PPARD: variants seen among roughly 807,000 people sequenced by gnomAD.
The protein encoded by PPARD is peroxisome proliferator-activated receptor delta.
A neutral mutation model predicts 39.5 loss-of-function variants in PPARD; 6 were observed. That is an observed-to-expected ratio of 0.15 (90% CI 0.08 to 0.30). The LOEUF (loss-of-function observed/expected upper bound fraction) is 0.30, where lower values mean the gene tolerates loss of function less well. Among genes scored for constraint, PPARD ranks in the 10% least tolerant of loss-of-function variants. The pLI is 1.00. For missense variants in PPARD, 397 were observed against 596.8 expected (o/e 0.67, Z 3.49); for synonymous variants, 210 against 231.3 (o/e 0.91, Z 0.83).
chr6:35,353,591 A>G (rs1362634604), intron 2 of PPARD, among the ~76,000 whole-genome samples: 2 of 152,246 alleles, frequency 1.3e-5, no homozygotes, highest in South Asian at 4.1e-4. Flanking sequence ...ATTTAACACC[A>G]CTAACCATGT....
chr6:35,417,457 T>A (rs920786088), intron 3 of PPARD, among the ~76,000 whole-genome samples: 14 of 151,750 alleles, frequency 9.2e-5, no homozygotes, highest in African/African-American at 2.9e-4. Flanking sequence ...AACTATTTTT[T>A]TTTTTTTACT....
intron 5 of PPARD, 64 bp from the exon 6 acceptor site, chr6:35,423,882 T>A: frequency 1.3e-6 from 2 of 1,534,268 alleles, no homozygotes; most frequent in Non-Finnish European, 1.8e-6. Flanking sequence ...TGTAAAGGGA[T>A]GGGGATGTCA....
At chr6:35,397,334 C>A (rs1330997229) in intron 2 of PPARD, among the ~76,000 whole-genome samples, 1 of 152,096 alleles carries the variant, frequency 6.6e-6, no homozygotes, top group Admixed American at 6.5e-5. Flanking sequence ...AATGAAGCCC[C>A]CCCTCCCGCA....
Position 35,425,457 on chromosome 6 carries a change from A to G in PPARD, c.1079-375A>G. On this transcript the variant is annotated intron_variant, in intron 7 of 7. Transcript: ENST00000360694. The surrounding 1 kb of genome is among the most constrained non-coding windows in gnomAD (Gnocchi z 4.5). The stretch of plus-strand genomic sequence containing the variant: ...CTGTTCTTTTCATCGATGATGACTC[A>G]CTTGATCCTCACAACAACCCTGTGC... The G allele has an allele frequency of 1.9e-6, 2 of 1,067,412 alleles. No homozygotes were observed. Among genetic ancestry groups the G allele is most frequent in the South Asian group, 5.7e-5 (2 of 34,900 alleles). The allele number at this position is 1,067,412 out of a possible 1,614,324, so 66.1% of individuals were successfully genotyped here.
intron 2 of PPARD, among the ~76,000 whole-genome samples, chr6:35,381,524 A>G (rs1763156261): frequency 6.6e-6 from 1 of 152,152 alleles, no homozygotes; most frequent in Admixed American, 6.5e-5. Flanking sequence ...TCCAACCCCA[A>G]GGTTGTATCA....
At chr6:35,402,887 TCCC>T (rs1562209618) in intron 2 of PPARD, among the ~76,000 whole-genome samples, 7 of 152,290 alleles carry the variant, frequency 4.6e-5, no homozygotes, top group Non-Finnish European at 1.0e-4. Flanking sequence ...TCCCATGACA[TCCC>T]TCACTTCTGA....
chr6:35,366,644 G>C lies in PPARD; in HGVS notation c.-102+19494G>C, dbSNP rs569039130. Among the ~76,000 whole-genome samples, 1 of 152,016 alleles carries C rather than the reference G, an allele frequency of 6.6e-6. No individual in the cohort carries two copies. Among genetic ancestry groups the C allele is most frequent in the Non-Finnish European group, 1.5e-5 (1 of 67,992 alleles). On this transcript the variant is annotated intron_variant, in intron 2 of 7. Coordinates refer to ENST00000360694, the MANE Select transcript of PPARD (RefSeq NM_006238.5). The surrounding 1 kb of genome is among the most constrained non-coding windows in gnomAD (Gnocchi z 4.6). ...GGCTCACTGCAACCTCTGCCTCCCG[G>C]GTTCAAGCAATTCTAGTGCCTCAGC...
chr6:35,359,567 T>C (rs1761814425), intron 2 of PPARD, among the ~76,000 whole-genome samples: 1 of 152,038 alleles, frequency 6.6e-6, no homozygotes, highest in African/African-American at 2.4e-5. Context: ...CATGAGGAAG[T>C]CCAACCCCCC....
intron 2 of PPARD, among the ~76,000 whole-genome samples, chr6:35,379,185 C>G (rs1762991667): frequency 6.6e-6 from 1 of 151,534 alleles, no homozygotes; most frequent in East Asian, 1.9e-4. Flanking sequence ...CTCACTGCAA[C>G]CTACGCCTCC....
chr6:35,353,301 G>C (rs1761372133), intron 2 of PPARD, among the ~76,000 whole-genome samples: 1 of 152,084 alleles, frequency 6.6e-6, no homozygotes, highest in South Asian at 2.1e-4. Context: ...GGACTGCAGT[G>C]GTCTAAATGT....
chr6:35,423,449 C>G (rs1220993764), intron 5 of PPARD, among the ~76,000 whole-genome samples: 1 of 151,652 alleles, frequency 6.6e-6, no homozygotes, highest in Non-Finnish European at 1.5e-5. Context: ...CAGAGAATTG[C>G]TTGAACCCGG....
intron 1 of PPARD, among the ~76,000 whole-genome samples, chr6:35,344,477 G>A (rs2267664): frequency 0.043 from 6,521 of 151,888 alleles, 379 homozygotes; most frequent in East Asian, 0.31. Context: ...ACCTTACCAA[G>A]CAGAAGATTC....
chr6:35,423,881 A>T, intron 5 of PPARD, 65 bp from the exon 6 acceptor site: 1 of 1,531,718 alleles, frequency 6.5e-7, no homozygotes. Context: ...CTGTAAAGGG[A>T]TGGGGATGTC....
intron 2 of PPARD, among the ~76,000 whole-genome samples, chr6:35,355,283 A>G (rs1199517188): frequency 6.6e-6 from 1 of 151,954 alleles, no homozygotes; most frequent in African/African-American, 2.4e-5. Context: ...AACCCCATCT[A>G]TACTAAAAAT....
At chr6:35,410,545 C>T (rs1765358047) in intron 2 of PPARD, among the ~76,000 whole-genome samples, 1 of 152,188 alleles carries the variant, frequency 6.6e-6, no homozygotes, top group Admixed American at 6.5e-5. Context: ...AACAGTAGCA[C>T]AGCAGAGCCG....
intron 2 of PPARD, among the ~76,000 whole-genome samples, chr6:35,381,460 TAGG>T (rs1763151627): frequency 6.6e-6 from 1 of 152,184 alleles, no homozygotes; most frequent in Admixed American, 6.5e-5. Context: ...AAAAGAAATC[TAGG>T]GGGACAGTCT....
At chr6:35,369,134 G>T (rs1197896673) in intron 2 of PPARD, among the ~76,000 whole-genome samples, 1 of 152,180 alleles carries the variant, frequency 6.6e-6, no homozygotes, top group Non-Finnish European at 1.5e-5. Flanking sequence ...GGAAAATAAA[G>T]ATAAATATAA....
At chr6:35,356,895 C>T (rs1338490373) in intron 2 of PPARD, among the ~76,000 whole-genome samples, 3 of 152,208 alleles carry the variant, frequency 2.0e-5, no homozygotes, top group African/African-American at 4.8e-5. Flanking sequence ...CTTCAGTTAT[C>T]TCACTGGGCC....
At chr6:35,405,780 C>T (rs776543900) in intron 2 of PPARD, among the ~76,000 whole-genome samples, 3 of 152,082 alleles carry the variant, frequency 2.0e-5, no homozygotes, top group Non-Finnish European at 4.4e-5. Flanking sequence ...CAGGCGTGCG[C>T]CACCATGCCT....
Sources: allele counts gnomAD v4.1 joint callset (sites outside exome capture counted in the v4.1 genomes callset), GRCh38; gene constraint gnomAD v4.1.1; non-coding constraint Gnocchi (gnomAD v3.1); transcripts MANE v1.5; gene names NCBI Gene and HGNC (gene_info 2026-07-23, HGNC 2026-07-21).